Variants in CTDSPL2 observed in about 807,000 individuals in gnomAD.
CTDSPL2 encodes the protein CTD small phosphatase like 2.
A neutral mutation model predicts 60.0 loss-of-function variants in CTDSPL2; 5 were observed. That is an observed-to-expected ratio of 0.08 (90% CI 0.04 to 0.18). The LOEUF (loss-of-function observed/expected upper bound fraction) is 0.18, where lower values mean the gene tolerates loss of function less well. CTDSPL2 is among the 10% of genes least tolerant of loss of function. The pLI, the probability that CTDSPL2 is intolerant of heterozygous loss-of-function variation, is 1.00. For synonymous variants in CTDSPL2, 186 were observed against 189.3 expected, an observed-to-expected ratio of 0.98 and a Z score of 0.14; for missense variants, 370 against 548.8, an observed-to-expected ratio of 0.67 and a Z score of 3.26.
intron 2 of CTDSPL2, among the ~76,000 whole-genome samples, chr15:44,482,515 A>G (rs2081047334): frequency 6.6e-6 from 1 of 152,210 alleles, no homozygotes; most frequent in African/African-American, 2.4e-5. Context: ...AATGTAGTTG[A>G]AACTGCTGTA....
intron 2 of CTDSPL2, among the ~76,000 whole-genome samples, chr15:44,466,905 C>T (rs1224242271): frequency 1.3e-5 from 2 of 152,144 alleles, no homozygotes; most frequent in Admixed American, 6.5e-5. Context: ...CACCACTGCA[C>T]TCCAGCCTGG....
At chr15:44,465,712 CTTTTTTTTTT>C (rs772862374) in intron 2 of CTDSPL2, among the ~76,000 whole-genome samples, 7 of 128,028 alleles carry the variant, frequency 5.5e-5, no homozygotes, top group South Asian at 2.4e-4. Context: ...TCCTCCTCCT[CTTTTTTTTTT>C]TTTTTTTTTT....
chr15:44,442,579 T>G (rs2080113348), intron 1 of CTDSPL2, among the ~76,000 whole-genome samples: 1 of 152,126 alleles, frequency 6.6e-6, no homozygotes, highest in African/African-American at 2.4e-5. Flanking sequence ...TAAGTAAATA[T>G]TAAAAAGGCG....
intron 8 of CTDSPL2, among the ~76,000 whole-genome samples, chr15:44,508,228 G>A (rs1418041960): frequency 6.6e-6 from 1 of 151,898 alleles, no homozygotes; most frequent in Non-Finnish European, 1.5e-5. Context: ...GACTACGGGC[G>A]AGTGCCACCA....
At chr15:44,502,296 C>T (rs1356799012) in intron 8 of CTDSPL2, among the ~76,000 whole-genome samples, 2 of 151,894 alleles carry the variant, frequency 1.3e-5, no homozygotes, top group African/African-American at 4.8e-5. Flanking sequence ...AATTTTTCAT[C>T]TGAAAGCCAG....
At chr15:44,439,549 G>A (rs965287209) in intron 1 of CTDSPL2, among the ~76,000 whole-genome samples, 1 of 151,518 alleles carries the variant, frequency 6.6e-6, no homozygotes, top group African/African-American at 2.4e-5. Context: ...TTTTTGGGGG[G>A]GGGGGAATAT....
At chr15:44,507,005 G>T (rs2081479565) in intron 8 of CTDSPL2, among the ~76,000 whole-genome samples, 1 of 148,266 alleles carries the variant, frequency 6.7e-6, no homozygotes, top group African/African-American at 2.5e-5. Context: ...CTGACCTCGT[G>T]ATCCGCCCAC....
chr15:44,524,365 T>A lies in CTDSPL2; in HGVS notation c.*191T>A. Reference sequence around the variant, plus strand: ...TCTATCTCAGATCGAATACATATAGTAGGTAGGCTAAAACAGAAGAGTCTT... The same window carrying A: ...TCTATCTCAGATCGAATACATATAGAAGGTAGGCTAAAACAGAAGAGTCTT... On this transcript the variant is annotated 3_prime_UTR_variant, in exon 13 of 13. Transcript: ENST00000260327. 1.8e-6 allele frequency: 1 copy of A among 569,234 alleles called. No individual in the cohort carries two copies. Among genetic ancestry groups the A allele is most frequent in the Admixed American group, 3.1e-5 (1 of 31,902 alleles). The allele number at this position is 569,234 out of a possible 1,614,324, so 35.3% of individuals were successfully genotyped here.
intron 2 of CTDSPL2, among the ~76,000 whole-genome samples, chr15:44,473,598 T>C (rs1164462832): frequency 6.6e-6 from 1 of 151,738 alleles, no homozygotes; most frequent in Non-Finnish European, 1.5e-5. Context: ...CCCAGCCGTA[T>C]CCCTAGATTT....
intron 5 of CTDSPL2, among the ~76,000 whole-genome samples, chr15:44,493,725 G>C (rs1263200902): frequency 6.6e-6 from 1 of 152,154 alleles, no homozygotes; most frequent in Non-Finnish European, 1.5e-5. Flanking sequence ...GCTTGAGCCT[G>C]TGAGGTCAAG....
intron 5 of CTDSPL2, among the ~76,000 whole-genome samples, chr15:44,495,734 G>C (rs1477695538): frequency 6.6e-6 from 1 of 151,676 alleles, no homozygotes; most frequent in African/African-American, 2.4e-5. Flanking sequence ...GGGTGTTTGA[G>C]ACCAGCCAGA....
chr15:44,484,258 T>C lies in CTDSPL2; in HGVS notation c.221T>C (p.Ile74Thr). The part of the protein sequence containing the change: ...ERENPSKRSR[I>T]ERDIDNNLIT... ...GAAAATCCTTCAAAACGGAGTAGAA[T>C]TGAACGTGATATAGATAACAATTTG... Residue 74 changes from isoleucine (I) to threonine (T), a missense_variant, in exon 3 of 13, where the codon ATT (isoleucine) becomes ACT (threonine). By Grantham distance (89) the Ile-to-Thr change is moderately conservative (BLOSUM62 -1). Transcript: ENST00000260327. 2.5e-6 allele frequency: 4 copies of C among 1,612,514 alleles called. No individual in the cohort carries two copies. The highest frequency in any genetic ancestry group is 3.3e-5 in the Admixed American group (2 of 59,902).
At chr15:44,469,047 C>A (rs145667837) in intron 2 of CTDSPL2, among the ~76,000 whole-genome samples, 3 of 152,134 alleles carry the variant, frequency 2.0e-5, no homozygotes, top group Admixed American at 2.0e-4. Flanking sequence ...CCCCAGAGTA[C>A]AAGACTAGTG....
chr15:44,481,367 C>T (rs1489715275), intron 2 of CTDSPL2, among the ~76,000 whole-genome samples: 18 of 152,024 alleles, frequency 1.2e-4, no homozygotes, highest in Non-Finnish European at 1.5e-5. Context: ...TGTGGTGCCC[C>T]TACAATAATA....
chr15:44,436,674 C>G (rs2079987534), intron 1 of CTDSPL2, among the ~76,000 whole-genome samples: 1 of 152,216 alleles, frequency 6.6e-6, no homozygotes, highest in South Asian at 2.1e-4. Context: ...CTTCAGGAGT[C>G]TACTCTAGAA....
chr15:44,465,881 T>G (rs1254063804), intron 2 of CTDSPL2, among the ~76,000 whole-genome samples: 1 of 150,688 alleles, frequency 6.6e-6, no homozygotes, highest in Non-Finnish European at 1.5e-5. Flanking sequence ...GCCTGGCTAA[T>G]TTTTTGTATT....
intron 1 of CTDSPL2, among the ~76,000 whole-genome samples, chr15:44,432,936 A>AT (rs2079890908): frequency 6.6e-6 from 1 of 151,976 alleles, no homozygotes; most frequent in South Asian, 2.1e-4. Flanking sequence ...CCTGTGTTAG[A>AT]TTGAAGAAAA....
chr15:44,497,185 CT>C (rs773254155), intron 7 of CTDSPL2, 47 bp downstream of exon 7: 4 of 1,052,224 alleles, frequency 3.8e-6, no homozygotes, highest in Admixed American at 4.6e-5. Flanking sequence ...GGGTGAAATT[CT>C]TTTTTAGAAT....
intron 2 of CTDSPL2, among the ~76,000 whole-genome samples, chr15:44,471,187 C>T (rs765925067): frequency 3.3e-5 from 5 of 152,080 alleles, no homozygotes; most frequent in African/African-American, 9.7e-5. Flanking sequence ...TGATTCCTTC[C>T]CCTCCCCTCC....
Sources: gnomAD v4.1 joint callset for allele counts (sites outside exome capture counted in the v4.1 genomes callset) on GRCh38, gnomAD v4.1.1 for gene constraint, MANE v1.5 for transcripts, NCBI Gene and HGNC (gene_info 2026-07-23, HGNC 2026-07-21) for gene names.